The following ATP9B variants were observed in gnomAD, a reference collection of about 807,000 sequenced individuals.
ATP9B encodes the protein ATPase phospholipid transporting 9B, also known as probable phospholipid-transporting ATPase IIB.
A neutral mutation model predicts 146.1 loss-of-function variants in ATP9B; 110 were observed. The observed-to-expected ratio is 0.75, with a 90% confidence interval of 0.65 to 0.88. The LOEUF is 0.88. Ranked by LOEUF, ATP9B falls within the 40% of genes least tolerant of loss-of-function variation. The probability of loss-of-function intolerance (pLI) is 0.00; values close to 1 mark genes in which losing one functional copy is unlikely to be tolerated. For missense variants in ATP9B, 1,499 were observed against 1,496.4 expected, an observed-to-expected ratio of 1.00 and a Z score of -0.03; for synonymous variants, 604 against 569.7, an observed-to-expected ratio of 1.06 and a Z score of -0.86.
chr18:79,291,083 G>A (rs1026256560), intron 13 of ATP9B, among the ~76,000 whole-genome samples: 3 of 152,118 alleles, frequency 2.0e-5, no homozygotes, highest in African/African-American at 7.2e-5. Flanking sequence ...GATGCCTGCA[G>A]GACTTTTTCC....
At chr18:79,091,081 A>G (rs917947952) in intron 1 of ATP9B, among the ~76,000 whole-genome samples, 2 of 152,144 alleles carry the variant, frequency 1.3e-5, no homozygotes, top group East Asian at 3.9e-4. Context: ...TGTCAAAAAC[A>G]AGTTCACCAT....
intron 8 of ATP9B, among the ~76,000 whole-genome samples, chr18:79,185,421 T>C (rs1228710746): frequency 6.6e-6 from 1 of 152,196 alleles, no homozygotes; most frequent in Non-Finnish European, 1.5e-5. Context: ...AAATAAATAA[T>C]TCGTACAATG....
At chr18:79,086,173 C>T (rs1179043396) in intron 1 of ATP9B, 1 of 152,138 alleles carries the variant, frequency 6.6e-6, no homozygotes, top group Non-Finnish European at 1.5e-5. Flanking sequence ...CGTGCAGTGG[C>T]TCACGCCTGT....
At chr18:79,226,128 G>A (rs377416298) in intron 11 of ATP9B, among the ~76,000 whole-genome samples, 8 of 152,210 alleles carry the variant, frequency 5.3e-5, no homozygotes, top group South Asian at 2.1e-4. Context: ...GACAGTGGCC[G>A]CTCTGCCGCC....
chr18:79,082,216 C>G (rs190356735), intron 1 of ATP9B, among the ~76,000 whole-genome samples: 4 of 152,252 alleles, frequency 2.6e-5, no homozygotes, highest in African/African-American at 9.6e-5. Context: ...CTTGTGTATG[C>G]TTCATGAAGT....
At chr18:79,289,301 G>A (rs2096477488) in intron 13 of ATP9B, among the ~76,000 whole-genome samples, 3 of 152,118 alleles carry the variant, frequency 2.0e-5, no homozygotes, top group South Asian at 4.1e-4. Flanking sequence ...TTTCTTGGAG[G>A]CTTTGTTCAT....
rs2095871455 is a variant in ATP9B at position 79,239,669 on chromosome 18, C to T, written c.1108-13712C>T. 6.6e-6 allele frequency among the ~76,000 whole-genome samples: 1 copy of T among 152,172 alleles called. No homozygotes were observed. The highest frequency in any genetic ancestry group is 2.1e-4 in the South Asian group (1 of 4,832). ...TGCAAGAGGTAGCTGAGGACCAGGGCTTATTTCAGGCACTTGACTGCAGTT... is the reference window on the plus strand; with the variant it reads ...TGCAAGAGGTAGCTGAGGACCAGGGTTTATTTCAGGCACTTGACTGCAGTT... On this transcript the variant is annotated intron_variant, in intron 11 of 29. Coordinates refer to ENST00000426216, the MANE Select transcript of ATP9B (RefSeq NM_198531.5). The surrounding 1 kb of genome is among the most constrained non-coding windows in gnomAD (Gnocchi z 5.1).
At chr18:79,332,205 A>ATG (rs1568719576) in intron 17 of ATP9B, among the ~76,000 whole-genome samples, 25 of 152,160 alleles carry the variant, frequency 1.6e-4, no homozygotes, top group South Asian at 4.1e-4. Context: ...CAAGGCGGGC[A>ATG]GATCACGAGG....
chr18:79,275,293 A>G (rs766167941), intron 12 of ATP9B, among the ~76,000 whole-genome samples: 3 of 152,124 alleles, frequency 2.0e-5, no homozygotes, highest in Admixed American at 6.6e-5. Context: ...TTCTTTCTTG[A>G]GTATTGCTAA....
At chr18:79,369,837 G>A (rs527787160) in intron 26 of ATP9B, among the ~76,000 whole-genome samples, 34 of 152,314 alleles carry the variant, frequency 2.2e-4, no homozygotes, top group Non-Finnish European at 1.2e-4. Flanking sequence ...AGTGGCTCAC[G>A]CTTGTAATCC....
At chr18:79,266,874 A>G (rs1217429079) in intron 12 of ATP9B, among the ~76,000 whole-genome samples, 1 of 152,076 alleles carries the variant, frequency 6.6e-6, no homozygotes, top group African/African-American at 2.4e-5. Flanking sequence ...AGATTTTTAC[A>G]TTGATTTACA....
chr18:79,317,384 T>C (rs2096686815), intron 15 of ATP9B, among the ~76,000 whole-genome samples: 1 of 152,196 alleles, frequency 6.6e-6, no homozygotes, highest in Admixed American at 6.5e-5. Flanking sequence ...GTAGGAAATG[T>C]TTGCAGAATA....
In ATP9B at chr18:79,377,246, G is replaced by C; in HGVS notation, c.3308-1G>C. 2 of 1,611,584 alleles carry C rather than the reference G, an allele frequency of 1.2e-6. No individual in the cohort carries two copies. The highest frequency in any genetic ancestry group is 1.7e-6 in the Non-Finnish European group (2 of 1,180,002). On this transcript the variant is annotated splice_acceptor_variant, in intron 29 of 29. Transcript: ENST00000426216. LOFTEE classifies it high-confidence loss of function. ...CCTTTTTCTCTGTTTCCTGCCAACAGATGTTGCCTTTATCACCACCGTGAC... is the reference window on the plus strand; with the variant it reads ...CCTTTTTCTCTGTTTCCTGCCAACACATGTTGCCTTTATCACCACCGTGAC...
chr18:79,307,250 A>G lies in ATP9B; in HGVS notation c.1773+16A>G, dbSNP rs754214830. ...CCCGGATGAGGTCAGTCAAAGCACAAAACCGTGGGAGCTTGTCCGTTCCAT... is the reference window on the plus strand; with the variant it reads ...CCCGGATGAGGTCAGTCAAAGCACAGAACCGTGGGAGCTTGTCCGTTCCAT... On this transcript the variant is annotated intron_variant, in intron 15 of 29. Coordinates refer to ENST00000426216, the MANE Select transcript of ATP9B (RefSeq NM_198531.5). The G allele has an allele frequency of 1.9e-6, 3 of 1,613,790 alleles. No individual in the cohort carries two copies. Among genetic ancestry groups the G allele is most frequent in the East Asian group, 4.5e-5 (2 of 44,894 alleles).
At chr18:79,234,669 C>G (rs1299364453) in intron 11 of ATP9B, among the ~76,000 whole-genome samples, 7 of 146,704 alleles carry the variant, frequency 4.8e-5, no homozygotes, top group African/African-American at 1.3e-4. Flanking sequence ...GGGTGTGCTC[C>G]TGTGGGTGTG....
chr18:79,310,120 G>A (rs571060715), intron 15 of ATP9B, among the ~76,000 whole-genome samples: 1 of 152,196 alleles, frequency 6.6e-6, no homozygotes, highest in East Asian at 1.9e-4. Context: ...AGGGTGGAGA[G>A]GCATGAGAGA....
At chr18:79,251,089 A>G (rs1241821391) in intron 11 of ATP9B, among the ~76,000 whole-genome samples, 5 of 152,218 alleles carry the variant, frequency 3.3e-5, no homozygotes, top group African/African-American at 1.2e-4. Flanking sequence ...TAATTGTTAC[A>G]TTAGAATCAA....
chr18:79,354,208 G>A lies in ATP9B; in HGVS notation c.2904-5146G>A, dbSNP rs555993067. 7 of 152,180 alleles carry A rather than the reference G, an allele frequency of 4.6e-5. No homozygotes were observed. In the South Asian group the frequency reaches 8.3e-4, roughly 18 times the overall value. The allele number at this position is 152,180 out of a possible 1,614,324, so 9.4% of individuals were successfully genotyped here. A position where few individuals can be genotyped will look rare whatever the true frequency, so the allele number is the denominator to read the frequency against. ...ATGGGTGTTTCTGGTTCTCTGCCACGGGGTAACTTTCCCAACTTGAGATAA... is the reference window on the plus strand; with the variant it reads ...ATGGGTGTTTCTGGTTCTCTGCCACAGGGTAACTTTCCCAACTTGAGATAA... On this transcript the variant is annotated intron_variant, in intron 25 of 29. Transcript: ENST00000426216.
chr18:79,092,639 A>ATTT (rs1223830353), intron 1 of ATP9B, among the ~76,000 whole-genome samples: 4 of 138,342 alleles, frequency 2.9e-5, no homozygotes, highest in Non-Finnish European at 4.7e-5. Context: ...TTTTACTTAA[A>ATTT]CTTTTTTTTT....
Sources: gnomAD v4.1 joint callset for allele counts (sites outside exome capture counted in the v4.1 genomes callset) on GRCh38, gnomAD v4.1.1 for gene constraint, Gnocchi (gnomAD v3.1) non-coding constraint, MANE v1.5 for transcripts, NCBI Gene and HGNC (gene_info 2026-07-23, HGNC 2026-07-21) for gene names.